BSN: variants seen among roughly 807,000 people sequenced by gnomAD.
BSN encodes the protein bassoon presynaptic cytomatrix protein.
In BSN, 57 loss-of-function variants were observed where a neutral mutation model predicts 264.8. That is an observed-to-expected ratio of 0.22 (90% CI 0.17 to 0.27). BSN has a LOEUF of 0.27. Among genes scored for constraint, BSN ranks in the 10% least tolerant of loss-of-function variants. The pLI is 1.00. For synonymous variants in BSN, 2,059 were observed against 2,137.3 expected (o/e 0.96, Z 1.01); for missense variants, 4,615 against 5,232.5 (o/e 0.88, Z 3.64).
At chr3:49,640,274 C>T (rs1292903852) in intron 2 of BSN, among the ~76,000 whole-genome samples, 1 of 152,178 alleles carries the variant, frequency 6.6e-6, no homozygotes, top group Non-Finnish European at 1.5e-5. Flanking sequence ...ACCAAATTGC[C>T]AGGATGAATG....
In BSN at chr3:49,654,386, T is replaced by C. The variant is rs773515604; in HGVS notation, c.4830T>C (p.Pro1610=). 1 of 1,605,892 alleles carries C rather than the reference T, an allele frequency of 6.2e-7. No individual in the cohort carries two copies. The highest frequency in any genetic ancestry group is 8.5e-7 in the Non-Finnish European group (1 of 1,176,652). ...TGTCTCAGCTGCCCCCAGAGCCACC[T>C]GGGCCACCTGGCTTTCCACGGGTGC... ...PSVSQLPPEP[P]GPPGFPRVPS... Residue 1610 remains proline (P), a synonymous_variant, in exon 5 of 12, where the codon CCT becomes CCC. Coordinates refer to ENST00000296452, the MANE Select transcript of BSN (RefSeq NM_003458.4). The surrounding 1 kb of genome is among the most constrained non-coding windows in gnomAD (Gnocchi z 4.1).
chr3:49,664,368 G>T (rs2108099989), intron 8 of BSN, 55 bp from the exon 9 acceptor site: 1 of 1,612,360 alleles, frequency 6.2e-7, no homozygotes, highest in South Asian at 1.1e-5. Flanking sequence ...TGCCCTCTTA[G>T]ACCCTAAAGA....
In BSN at chr3:49,657,324, G is replaced by A; in HGVS notation, c.7768G>A (p.Glu2590Lys). ...IADSSVQTDD[E>K]DGESRYLLSR... ...CGACAGCAGCGTGCAGACAGACGAT[G>A]AGGATGGGGAGAGCCGCTACCTCTT... The change falls in exon 5 of 12, where the codon GAG (glutamate) becomes AAG (lysine). Residue 2590 changes from glutamate (E) to lysine (K), a missense_variant. This residue lies in a region of BSN where 3,415 missense variants were observed against 3,866.4 expected (regional missense o/e 0.88). Transcript: ENST00000296452. The A allele has an allele frequency of 6.2e-7, 1 of 1,613,476 alleles. No individual in the cohort carries two copies. Among genetic ancestry groups the A allele is most frequent in the Non-Finnish European group, 8.5e-7 (1 of 1,180,008 alleles).
In BSN at chr3:49,658,071, C is replaced by T; in HGVS notation, c.8515C>T (p.Leu2839=). Residue 2839 remains leucine, a synonymous_variant, in exon 5 of 12, where the codon CTG becomes TTG. Transcript: ENST00000296452. ...TGACAGCGCTCTCCGCCAGCAGACG[C>T]TGCCTCGCCCCATGAAGACCCTGCA... ...TADSALRQQT[L]PRPMKTLQRS... is the part of the protein sequence containing the mutation. 1.9e-6 allele frequency: 3 copies of T among 1,613,444 alleles called. No homozygotes were observed. In the South Asian group the frequency reaches 3.3e-5, roughly 18 times the overall value.
chr3:49,662,919 C>T lies in BSN; in HGVS notation c.10761C>T (p.Pro3587=). 6.2e-7 allele frequency: 1 copy of T among 1,609,324 alleles called. No homozygotes were observed. The highest frequency in any genetic ancestry group is 8.5e-7 in the Non-Finnish European group (1 of 1,177,502). The stretch of plus-strand genomic sequence containing the variant: ...AGGAGACGGACTGGTTTGATAAGCC[C>T]CGGGATGCCCGCTCTGACCGGTTCA... ...GQEETDWFDK[P]RDARSDRFRH... is the part of the protein sequence containing the mutation. Residue 3587 remains proline, a synonymous_variant, in exon 7 of 12, where the codon CCC becomes CCT. Coordinates refer to ENST00000296452, the MANE Select transcript of BSN (RefSeq NM_003458.4).
Position 49,655,049 on chromosome 3 carries a change from A to AG in BSN, c.5495dup (p.Val1834SerfsTer62). On this transcript the variant is annotated frameshift_variant, in exon 5 of 12. Transcript: ENST00000296452. LOFTEE classifies it high-confidence loss of function. ...CCGCCCAGAGCATTGGCCTCAAGCC[A>AG]GGCCCAGTGCCAGAGCCAGGTGCCG... 6.2e-7 allele frequency: 1 copy of AG among 1,613,102 alleles called. No individual in the cohort carries two copies. Among genetic ancestry groups the AG allele is most frequent in the Non-Finnish European group, 8.5e-7 (1 of 1,180,036 alleles).
chr3:49,606,197 C>T lies in BSN; in HGVS notation c.225-18778C>T, dbSNP rs865963212. 1.5e-4 allele frequency among the ~76,000 whole-genome samples: 6 copies of T among 40,836 alleles called. 1 individual carries two copies. The highest frequency in any genetic ancestry group is 2.5e-4 in the Non-Finnish European group (6 of 23,602). 26.8% of individuals were successfully genotyped at this position (40,836 alleles called of 152,430 possible). On this transcript the variant is annotated intron_variant, in intron 1 of 11. Coordinates refer to ENST00000296452, the MANE Select transcript of BSN (RefSeq NM_003458.4). The stretch of plus-strand genomic sequence containing the variant: ...TATATATGTATATATATTATATATA[C>T]ATATATTATATATGTATATATTATA...
At chr3:49,617,142 C>CT (rs1173734559) in intron 1 of BSN, among the ~76,000 whole-genome samples, 1 of 152,076 alleles carries the variant, frequency 6.6e-6, no homozygotes, top group Non-Finnish European at 1.5e-5. Flanking sequence ...GTCCCAATAT[C>CT]TAATGCATGT....
At chr3:49,597,278 C>T (rs2108029369) in intron 1 of BSN, among the ~76,000 whole-genome samples, 1 of 152,142 alleles carries the variant, frequency 6.6e-6, no homozygotes, top group Middle Eastern at 3.4e-3. Flanking sequence ...TTTCTCCTAC[C>T]AGCTCAAATG....
intron 2 of BSN, among the ~76,000 whole-genome samples, chr3:49,629,446 A>G (rs2108061392): frequency 6.6e-6 from 1 of 152,334 alleles, no homozygotes; most frequent in South Asian, 2.1e-4. Context: ...TGGGGTGGGC[A>G]GTGGGGATGG....
At chr3:49,554,887 C>A in intron 1 of BSN, 61 bp downstream of exon 1, 1 of 1,022,076 alleles carries the variant, frequency 9.8e-7, no homozygotes, top group South Asian at 4.9e-5. Context: ...GGGACCCGGG[C>A]CCAGGATCCC....
At position 49,651,608 on chromosome 3, in the gene BSN, C is replaced by T; in HGVS notation, c.2052C>T (p.Gly684=). The change falls in exon 5 of 12, where the codon GGC becomes GGT. Residue 684 remains glycine, a synonymous_variant. Coordinates refer to ENST00000296452, the MANE Select transcript of BSN (RefSeq NM_003458.4). The surrounding 1 kb of genome is among the most constrained non-coding windows in gnomAD (Gnocchi z 5.4). ...SRSPQSLSDT[G]YSSDGISSSQ... is the part of the protein sequence containing the mutation. ...GCCCACAGAGCCTCAGTGACACAGGCTATTCCTCTGACGGCATCTCTAGCT... is the reference window on the plus strand; with the variant it reads ...GCCCACAGAGCCTCAGTGACACAGGTTATTCCTCTGACGGCATCTCTAGCT... The T allele has an allele frequency of 6.2e-7, 1 of 1,613,632 alleles. No individual in the cohort carries two copies. The highest frequency in any genetic ancestry group is 1.7e-4 in the Middle Eastern group (1 of 6,058).
Position 49,625,430 on chromosome 3 carries a change from C to A in BSN, c.633+47C>A. 1 of 1,411,308 alleles carries A rather than the reference C, an allele frequency of 7.1e-7. No homozygotes were observed. The highest frequency in any genetic ancestry group is 9.2e-7 in the Non-Finnish European group (1 of 1,081,918). 87.4% of individuals were successfully genotyped at this position (1,411,308 alleles called of 1,614,324 possible). A position where few individuals can be genotyped will look rare whatever the true frequency, so the allele number is the denominator to read the frequency against. On this transcript the variant is annotated intron_variant, in intron 2 of 11. Coordinates refer to ENST00000296452, the MANE Select transcript of BSN (RefSeq NM_003458.4). This position sits in a 1 kb window ranked among gnomAD's most constrained non-coding sequence, Gnocchi z 4.4. ...CCCCACTCACCTGCTACCTCATTAC[C>A]ATACCTCCCCTGGTTCCCTTCCCCT...
At chr3:49,628,112 C>T (rs1001723194) in intron 2 of BSN, among the ~76,000 whole-genome samples, 2 of 152,344 alleles carry the variant, frequency 1.3e-5, no homozygotes, top group African/African-American at 2.4e-5. Flanking sequence ...TGGAGGCTTT[C>T]AGGGCATCTC....
In BSN at chr3:49,624,975, C is replaced by A. The variant is rs753469197; in HGVS notation, c.225C>A (p.Ser75Arg). 3 of 1,506,038 alleles carry A rather than the reference C, an allele frequency of 2.0e-6. No individual in the cohort carries two copies. Among genetic ancestry groups the A allele is most frequent in the Non-Finnish European group, 2.7e-6 (3 of 1,127,692 alleles). 93.3% of individuals were successfully genotyped at this position (1,506,038 alleles called of 1,614,324 possible). Reference sequence around the variant, plus strand: ...ACAGTCATTTTCAATGTCATTTCAGCACTTCCCGGAGACTGGACCCCAAGG... The same window carrying A: ...ACAGTCATTTTCAATGTCATTTCAGAACTTCCCGGAGACTGGACCCCAAGG... ...PGPGPGPGPG[S>R]TSRRLDPKEP... The change falls in exon 2 of 12, where the codon AGC becomes AGA. Residue 75 changes from serine (S) to arginine (R), a missense_variant and splice_region_variant. Ser to Arg is a moderately radical substitution (Grantham distance 110). This residue lies in a region of BSN where 1,197 missense variants were observed against 1,348.0 expected (regional missense o/e 0.89). Coordinates refer to ENST00000296452, the MANE Select transcript of BSN (RefSeq NM_003458.4).
chr3:49,626,469 G>T (rs943103238), intron 2 of BSN, among the ~76,000 whole-genome samples: 3 of 152,176 alleles, frequency 2.0e-5, no homozygotes, highest in Non-Finnish European at 4.4e-5. Context: ...GGAAGGAGCT[G>T]TCGGTGTGGG....
intron 1 of BSN, among the ~76,000 whole-genome samples, chr3:49,570,767 A>G (rs754202330): frequency 1.3e-5 from 2 of 152,296 alleles, no homozygotes; most frequent in Middle Eastern, 6.8e-3. Context: ...TTCCCTTCCA[A>G]TGCCAAGGCA....
In BSN at chr3:49,661,075, C is replaced by T. The variant is rs746705185; in HGVS notation, c.9230C>T (p.Ala3077Val). Residue 3077 changes from alanine to valine, a missense_variant, in exon 6 of 12, where the codon GCC becomes GTC. Transcript: ENST00000296452. ...SGGPTQNGFP[A>V]HQAPTYPGPS... ...GGGCCAACTCAGAACGGATTCCCAG[C>T]CCACCAGGCCCCCACCTACCCTGGC... 7 of 1,612,146 alleles carry T rather than the reference C, an allele frequency of 4.3e-6. No homozygotes were observed. The East Asian group carries it at 1.3e-4, about 31-fold the overall frequency.
chr3:49,605,836 A>C (rs2052129266), intron 1 of BSN, among the ~76,000 whole-genome samples: 1 of 69,356 alleles, frequency 1.4e-5, no homozygotes, highest in Admixed American at 2.7e-4. Context: ...AATAGATATA[A>C]ATATATATAT....
Sources: gnomAD v4.1 joint callset for allele counts (sites outside exome capture counted in the v4.1 genomes callset) on GRCh38, gnomAD v4.1.1 for gene constraint, gnomAD v4.1.1 regional missense constraint, Gnocchi (gnomAD v3.1) non-coding constraint, MANE v1.5 for transcripts, NCBI Gene and HGNC (gene_info 2026-07-23, HGNC 2026-07-21) for gene names.